Variants in DMRT1 observed in about 807,000 individuals in gnomAD.
DMRT1 encodes doublesex and mab-3 related transcription factor 1, also known as doublesex- and mab-3-related transcription factor 1.
In DMRT1, 7 loss-of-function variants were observed where a neutral mutation model predicts 32.3. The observed-to-expected ratio is 0.22, with a 90% CI of 0.12 to 0.41. The LOEUF is 0.41. Among genes scored for constraint, DMRT1 ranks in the 10% least tolerant of loss-of-function variants. The pLI, the probability that DMRT1 is intolerant of heterozygous loss-of-function variation, is 1.00. For missense variants in DMRT1, 625 were observed against 500.5 expected (o/e 1.25, Z -2.37); for synonymous variants, 278 against 206.1 (o/e 1.35, Z -2.99).
Position 865,551 on chromosome 9 carries a change from TA to T in DMRT1, c.538+18409del, listed in dbSNP as rs1375446455. ...CAAGTCATAGAGCTCACATTTCAGA[TA>T]TTAATAGGAGGAGCAGATGAATGAG... On this transcript the variant is annotated intron_variant, in intron 2 of 4. Transcript: ENST00000382276. Among the ~76,000 whole-genome samples the T allele has an allele frequency of 6.6e-5, 10 of 152,150 alleles. No homozygotes were observed. In the East Asian group the frequency reaches 1.9e-3, roughly 29 times the overall value.
chr9:898,503 T>C (rs1342811664), intron 3 of DMRT1, among the ~76,000 whole-genome samples: 2 of 152,182 alleles, frequency 1.3e-5, no homozygotes, highest in African/African-American at 2.4e-5. Flanking sequence ...CCTGGAAGGC[T>C]CTCTCACTCT....
intron 2 of DMRT1, among the ~76,000 whole-genome samples, chr9:862,295 C>G (rs1379232536): frequency 6.6e-6 from 1 of 152,202 alleles, no homozygotes; most frequent in Non-Finnish European, 1.5e-5. Context: ...CGGTCAGGAG[C>G]TGGAGACCAG....
At position 955,399 on chromosome 9, in the gene DMRT1, T is replaced by C. The variant is rs112466877; in HGVS notation, c.968-12586T>C. On this transcript the variant is annotated intron_variant, in intron 4 of 4. Coordinates refer to ENST00000382276, the MANE Select transcript of DMRT1 (RefSeq NM_021951.3). The stretch of plus-strand genomic sequence containing the variant: ...AGGAAGAAGGGAAAGAAGGAAAAGA[T>C]TAGTATAAAAGAGGCAAAAAACTTG... Among the ~76,000 whole-genome samples the C allele has an allele frequency of 1.7e-3, 255 of 152,182 alleles. 2 individuals are homozygous for C. Among genetic ancestry groups the C allele is most frequent in the African/African-American group, 5.6e-3 (232 of 41,518 alleles).
At chr9:881,788 GA>G (rs1201465103) in intron 2 of DMRT1, among the ~76,000 whole-genome samples, 2 of 152,204 alleles carry the variant, frequency 1.3e-5, no homozygotes, top group Non-Finnish European at 2.9e-5. Flanking sequence ...ACTGTGTTGG[GA>G]ATCATCCCTT....
At chr9:939,768 A>G (rs184305235) in intron 4 of DMRT1, among the ~76,000 whole-genome samples, 2 of 152,340 alleles carry the variant, frequency 1.3e-5, no homozygotes, top group African/African-American at 4.8e-5. Flanking sequence ...GTGAAGTTTT[A>G]TAGTTTCTTT....
chr9:877,451 C>G (rs777425858), intron 2 of DMRT1, among the ~76,000 whole-genome samples: 11 of 152,098 alleles, frequency 7.2e-5, no homozygotes, highest in Non-Finnish European at 1.5e-4. Flanking sequence ...CTGTTTGCAC[C>G]TTTTCTTTCC....
In DMRT1 at chr9:846,076, G is replaced by T. The variant is rs575403407; in HGVS notation, c.355-884G>T. Among the ~76,000 whole-genome samples the T allele has an allele frequency of 6.7e-5, 10 of 149,708 alleles. No homozygotes were observed. The East Asian group carries it at 1.6e-3, about 24-fold the overall frequency. ...AGACATAGTCTTGTTTTGTCGCCCA[G>T]GCTGGAGTGCAGTGTCGCGATCTCG... is the stretch of plus-strand genomic sequence containing the variant. On this transcript the variant is annotated intron_variant, in intron 1 of 4. Coordinates refer to ENST00000382276, the MANE Select transcript of DMRT1 (RefSeq NM_021951.3).
chr9:930,783 G>GCCT (rs1818699686), intron 4 of DMRT1, among the ~76,000 whole-genome samples: 1 of 151,654 alleles, frequency 6.6e-6, no homozygotes, highest in African/African-American at 2.4e-5. Context: ...GCCTCAAGCG[G>GCCT]CCTGTTTCAG....
chr9:893,202 A>G (rs1176777405), intron 2 of DMRT1, among the ~76,000 whole-genome samples: 3 of 152,186 alleles, frequency 2.0e-5, no homozygotes, highest in African/African-American at 7.2e-5. Context: ...TGTCCATTGG[A>G]TGGATGACTT....
intron 2 of DMRT1, among the ~76,000 whole-genome samples, chr9:875,761 T>C (rs1403106636): frequency 6.7e-6 from 1 of 149,344 alleles, no homozygotes; most frequent in East Asian, 2.0e-4. Flanking sequence ...GACACGTGCA[T>C]GTGTGTGTAT....
intron 3 of DMRT1, among the ~76,000 whole-genome samples, chr9:903,592 A>G (rs1350721001): frequency 1.3e-5 from 2 of 152,220 alleles, no homozygotes; most frequent in African/African-American, 2.4e-5. Flanking sequence ...GCCAAAGCTC[A>G]GGGAGGGTGA....
intron 2 of DMRT1, among the ~76,000 whole-genome samples, chr9:880,102 A>T (rs1371498014): frequency 6.6e-6 from 1 of 152,182 alleles, no homozygotes; most frequent in Non-Finnish European, 1.5e-5. Flanking sequence ...TTTTCAAGAG[A>T]ATGCCGCCAA....
chr9:880,630 G>A (rs1816693537), intron 2 of DMRT1, among the ~76,000 whole-genome samples: 1 of 150,862 alleles, frequency 6.6e-6, no homozygotes, highest in African/African-American at 2.5e-5. Flanking sequence ...GGAGGCTGAG[G>A]CAGGAGAATT....
chr9:964,290 G>GT (rs892644622), intron 4 of DMRT1, among the ~76,000 whole-genome samples: 14 of 151,882 alleles, frequency 9.2e-5, no homozygotes, highest in African/African-American at 3.4e-4. Flanking sequence ...ATCTTGAAGT[G>GT]TTTTTTCCCC....
At chr9:966,037 G>C (rs944310783) in intron 4 of DMRT1, among the ~76,000 whole-genome samples, 1 of 152,110 alleles carries the variant, frequency 6.6e-6, no homozygotes, top group Admixed American at 6.5e-5. Flanking sequence ...ATTAACGCAC[G>C]GACTCCAGGA....
chr9:855,293 C>T (rs1014255171), intron 2 of DMRT1, among the ~76,000 whole-genome samples: 1 of 151,688 alleles, frequency 6.6e-6, no homozygotes, highest in Admixed American at 6.6e-5. Context: ...AGCCAGGAAA[C>T]GTAAATACAG....
intron 2 of DMRT1, among the ~76,000 whole-genome samples, chr9:857,815 C>G (rs191369612): frequency 6.1e-4 from 83 of 136,014 alleles, no homozygotes; most frequent in African/African-American, 2.2e-3. Context: ...TGTGATGTTC[C>G]CCTTCCTGTG....
At chr9:936,753 C>CAA (rs552878647) in intron 4 of DMRT1, among the ~76,000 whole-genome samples, 19,812 of 105,398 alleles carry the variant, frequency 0.19, 1,857 homozygotes, top group African/African-American at 0.28. Flanking sequence ...AACTTCATCT[C>CAA]AAAAAAAAAA....
chr9:884,979 A>G (rs1678338058), intron 2 of DMRT1, among the ~76,000 whole-genome samples: 1 of 152,202 alleles, frequency 6.6e-6, no homozygotes, highest in African/African-American at 2.4e-5. Flanking sequence ...GTCTCAAACA[A>G]AAACAAAAAC....
Sources: gnomAD v4.1 joint callset for allele counts (sites outside exome capture counted in the v4.1 genomes callset) on GRCh38, gnomAD v4.1.1 for gene constraint, MANE v1.5 for transcripts, NCBI Gene and HGNC (gene_info 2026-07-23, HGNC 2026-07-21) for gene names.